Variants in RAB38 observed in about 807,000 individuals in gnomAD.
The protein encoded by RAB38 is RAB38, member RAS oncogene family, also known as ras-related protein Rab-38.
RAB38 carries 15 observed loss-of-function variants against 18.4 expected under a neutral mutation model. The ratio of observed to expected loss-of-function variants is 0.82; its 90% confidence interval spans 0.55 to 1.26. RAB38 has a LOEUF of 1.26. RAB38 is among the 50% of genes most tolerant of loss of function. The pLI is 0.00. For synonymous variants in RAB38, 101 were observed against 104.4 expected, an observed-to-expected ratio of 0.97 and a Z score of 0.20; for missense variants, 294 against 267.4, an observed-to-expected ratio of 1.10 and a Z score of -0.69.
the RAB38 span, among the ~76,000 whole-genome samples, chr11:88,104,032 T>C: frequency 1.3e-5 from 2 of 152,110 alleles, no homozygotes; most frequent in Non-Finnish European, 2.9e-5. Flanking sequence ...TCATCTGCCC[T>C]GGCATGAGGC....
the RAB38 span, among the ~76,000 whole-genome samples, chr11:87,875,540 A>T: frequency 6.6e-6 from 1 of 151,452 alleles, no homozygotes; most frequent in African/African-American, 2.4e-5. Flanking sequence ...ATTCAGACTT[A>T]GTGAAATCTA....
chr11:88,046,929 T>G, the RAB38 span, among the ~76,000 whole-genome samples: 1 of 152,166 alleles, frequency 6.6e-6, no homozygotes, highest in Non-Finnish European at 1.5e-5. Flanking sequence ...ACAGCTGAAG[T>G]GCAGGGCTGT....
chr11:87,809,383 T>A, the RAB38 span, among the ~76,000 whole-genome samples: 1 of 152,202 alleles, frequency 6.6e-6, no homozygotes, highest in South Asian at 2.1e-4. Flanking sequence ...TCAAATGTGA[T>A]AGACAGGAAA....
the RAB38 span, among the ~76,000 whole-genome samples, chr11:87,905,675 T>C: frequency 1.3e-5 from 2 of 151,892 alleles, no homozygotes; most frequent in Non-Finnish European, 2.9e-5. Flanking sequence ...CCAATGGATA[T>C]ACAAGCTTTG....
chr11:88,102,058 G>C, the RAB38 span, among the ~76,000 whole-genome samples: 3 of 151,978 alleles, frequency 2.0e-5, no homozygotes, highest in African/African-American at 7.2e-5. Context: ...GCCAGGCACA[G>C]AGTGAGGGCT....
At chr11:88,106,024 G>A in the RAB38 span, among the ~76,000 whole-genome samples, 2 of 152,084 alleles carry the variant, frequency 1.3e-5, no homozygotes, top group Non-Finnish European at 2.9e-5. Context: ...AATGCAGAAT[G>A]TCATGCAGTG....
At chr11:88,018,957 T>A in the RAB38 span, among the ~76,000 whole-genome samples, 1 of 50,216 alleles carries the variant, frequency 2.0e-5, no homozygotes, top group South Asian at 6.6e-4. Flanking sequence ...TTTAAAACAA[T>A]TTTTTTTATT....
At chr11:88,054,542 A>G in the RAB38 span, among the ~76,000 whole-genome samples, 2 of 152,210 alleles carry the variant, frequency 1.3e-5, no homozygotes, top group Non-Finnish European at 2.9e-5. Context: ...CTCATCTGGG[A>G]TTTAGTAAGC....
At chr11:88,041,899 C>T in the RAB38 span, among the ~76,000 whole-genome samples, 1 of 152,132 alleles carries the variant, frequency 6.6e-6, no homozygotes, top group Non-Finnish European at 1.5e-5. Context: ...GCAGCTCAGC[C>T]TCCCCTCATC....
At chr11:87,837,273 T>G in the RAB38 span, among the ~76,000 whole-genome samples, 1 of 152,212 alleles carries the variant, frequency 6.6e-6, no homozygotes, top group African/African-American at 2.4e-5. Flanking sequence ...TATATGTTGT[T>G]TAAAGTGTTG....
the RAB38 span, among the ~76,000 whole-genome samples, chr11:87,820,574 C>T: frequency 4.0e-3 from 612 of 152,186 alleles, 3 homozygotes; most frequent in African/African-American, 0.014. Flanking sequence ...AAATCAAACT[C>T]GGCAGTCTTC....
chr11:88,065,254 G>T, the RAB38 span, among the ~76,000 whole-genome samples: 2 of 152,172 alleles, frequency 1.3e-5, no homozygotes, highest in African/African-American at 4.8e-5. Context: ...AATTTCAATA[G>T]AAACTAATAT....
At chr11:88,085,939 A>G in the RAB38 span, among the ~76,000 whole-genome samples, 1 of 151,924 alleles carries the variant, frequency 6.6e-6, no homozygotes, top group Non-Finnish European at 1.5e-5. Flanking sequence ...CAAAATCTAC[A>G]GAAGAGAAAG....
At chr11:87,805,844 C>A in the RAB38 span, among the ~76,000 whole-genome samples, 1 of 152,064 alleles carries the variant, frequency 6.6e-6, no homozygotes, top group Non-Finnish European at 1.5e-5. Context: ...CAGTTCAGGT[C>A]AAAAGGCAGC....
chr11:88,105,406 G>C, the RAB38 span, among the ~76,000 whole-genome samples: 1 of 152,076 alleles, frequency 6.6e-6, no homozygotes, highest in Admixed American at 6.6e-5. Flanking sequence ...TATTAGTCAG[G>C]AATGTTTGAG....
At chr11:87,941,212 G>GATATATATAT in the RAB38 span, among the ~76,000 whole-genome samples, 379 of 37,724 alleles carry the variant, frequency 0.01, 33 homozygotes, top group East Asian at 0.03. Flanking sequence ...ATAAATATAT[G>GATATATATAT]AGATATATAT....
At chr11:87,863,637 CT>C in the RAB38 span, among the ~76,000 whole-genome samples, 2 of 151,774 alleles carry the variant, frequency 1.3e-5, no homozygotes, top group Admixed American at 6.6e-5. Flanking sequence ...TAAAGCTAGA[CT>C]TTTAGGCCTC....
the RAB38 span, among the ~76,000 whole-genome samples, chr11:87,885,835 C>T: frequency 6.6e-6 from 1 of 151,964 alleles, no homozygotes; most frequent in Admixed American, 6.6e-5. Flanking sequence ...TTTGCAATTA[C>T]TTATATCAAT....
At chr11:87,868,268 C>G in the RAB38 span, among the ~76,000 whole-genome samples, 1 of 151,464 alleles carries the variant, frequency 6.6e-6, no homozygotes, top group Non-Finnish European at 1.5e-5. Context: ...TTAAAATGAG[C>G]CTGGCACCTC....
Sources: gnomAD v4.1 joint callset for allele counts (sites outside exome capture counted in the v4.1 genomes callset) on GRCh38, gnomAD v4.1.1 for gene constraint, MANE v1.5 for transcripts, NCBI Gene and HGNC (gene_info 2026-07-23, HGNC 2026-07-21) for gene names.